The following CBFA2T3 variants were observed in gnomAD, a reference collection of about 807,000 sequenced individuals.
CBFA2T3 encodes CBFA2/RUNX1 partner transcriptional co-repressor 3, also known as transcriptional corepressor CBFA2T3.
CBFA2T3 carries 31 observed loss-of-function variants against 58.6 expected under a neutral mutation model. The ratio of observed to expected loss-of-function variants is 0.53; its 90% CI spans 0.40 to 0.71. The LOEUF (loss-of-function observed/expected upper bound fraction) is 0.71, where lower values mean the gene tolerates loss of function less well. CBFA2T3 is among the 30% of genes least tolerant of loss of function. The pLI is 0.00. For missense variants in CBFA2T3, 1,076 were observed against 963.1 expected (o/e 1.12, Z -1.55); for synonymous variants, 531 against 421.9 (o/e 1.26, Z -3.17).
At chr16:88,947,763 A>C (rs929184587) in intron 1 of CBFA2T3, among the ~76,000 whole-genome samples, 1 of 152,156 alleles carries the variant, frequency 6.6e-6, no homozygotes, top group Non-Finnish European at 1.5e-5. Context: ...ATAATAAAAA[A>C]GTTAGCCGGG....
chr16:88,947,424 A>G (rs1357243708), intron 1 of CBFA2T3, among the ~76,000 whole-genome samples: 1 of 152,216 alleles, frequency 6.6e-6, no homozygotes, highest in Non-Finnish European at 1.5e-5. Flanking sequence ...GCCGATTTTT[A>G]TCCTAATATG....
intron 1 of CBFA2T3, among the ~76,000 whole-genome samples, chr16:88,964,542 G>T (rs377403606): frequency 3.3e-5 from 5 of 152,280 alleles, no homozygotes; most frequent in African/African-American, 1.2e-4. Context: ...CTTCTTCATG[G>T]GGTCTTTAAT....
chr16:88,949,423 A>T (rs1971988547), intron 1 of CBFA2T3, among the ~76,000 whole-genome samples: 1 of 151,906 alleles, frequency 6.6e-6, no homozygotes, highest in African/African-American at 2.4e-5. Flanking sequence ...GCCAGGTGTG[A>T]TGGTGTGTGC....
chr16:88,892,705 G>A lies in CBFA2T3; in HGVS notation c.380-220C>T, dbSNP rs574225515. The stretch of plus-strand genomic sequence containing the variant: ...TAGCATGCTGACCATCTGTCCTTCC[G>A]GCCCTGCTCTGAGAGGTCACACACA... On this transcript the variant is annotated intron_variant, in intron 3 of 11. Transcript: ENST00000268679. 7.2e-5 allele frequency among the ~76,000 whole-genome samples: 11 copies of A among 152,312 alleles called. No homozygotes were observed. The Middle Eastern group carries it at 0.01, about 141-fold the overall frequency.
intron 1 of CBFA2T3, among the ~76,000 whole-genome samples, chr16:88,963,345 T>C (rs1172406111): frequency 1.5e-5 from 2 of 134,896 alleles, no homozygotes; most frequent in South Asian, 2.4e-4. Flanking sequence ...AGGCTTTTTT[T>C]TTTTTTTAAG....
At chr16:88,963,698 A>G (rs1972424947) in intron 1 of CBFA2T3, among the ~76,000 whole-genome samples, 1 of 152,248 alleles carries the variant, frequency 6.6e-6, no homozygotes, top group Non-Finnish European at 1.5e-5. Flanking sequence ...TGCAGTGCGC[A>G]TCAGGAATAG....
chr16:88,883,726 C>CG (rs1969235038), intron 7 of CBFA2T3: 1 of 150,868 alleles, frequency 6.6e-6, no homozygotes, highest in South Asian at 2.1e-4. Context: ...GCTGCGCCCA[C>CG]GGGAGACGTG....
At position 88,951,827 on chromosome 16, in the gene CBFA2T3, G is replaced by A. The variant is rs536735030; in HGVS notation, c.151+24830C>T. 2.0e-3 allele frequency among the ~76,000 whole-genome samples: 312 copies of A among 152,352 alleles called. 2 individuals carry two copies. Among genetic ancestry groups the A allele is most frequent in the Non-Finnish European group, 3.6e-3 (248 of 68,020 alleles). ...CCCAGAGTGGCCTGGACAGCCGCTG[G>A]GAAGAGAAGGTGGGCAGAGCGGCGG... On this transcript the variant is annotated intron_variant, in intron 1 of 11. Coordinates refer to ENST00000268679, the MANE Select transcript of CBFA2T3 (RefSeq NM_005187.6).
intron 1 of CBFA2T3, among the ~76,000 whole-genome samples, chr16:88,919,953 G>A (rs1970858269): frequency 6.6e-6 from 1 of 152,244 alleles, no homozygotes; most frequent in African/African-American, 2.4e-5. Context: ...GAGAATTAAA[G>A]CGATTTACAA....
At chr16:88,924,021 C>T (rs957178307) in intron 1 of CBFA2T3, among the ~76,000 whole-genome samples, 10 of 152,270 alleles carry the variant, frequency 6.6e-5, no homozygotes, top group Middle Eastern at 3.4e-3. Context: ...ATGGTTACAG[C>T]AAAGACCGCG....
chr16:88,888,700 G>A (rs1302376962), intron 5 of CBFA2T3, among the ~76,000 whole-genome samples: 1 of 150,246 alleles, frequency 6.7e-6, no homozygotes, highest in East Asian at 2.0e-4. Context: ...AAGCAGGACT[G>A]GCCGCAAGAT....
At chr16:88,897,436 C>A (rs1002922889) in intron 3 of CBFA2T3, among the ~76,000 whole-genome samples, 5 of 152,342 alleles carry the variant, frequency 3.3e-5, no homozygotes, top group Admixed American at 3.3e-4. Flanking sequence ...CAGTGGTTGA[C>A]AAAAACTATA....
rs565269624 is a variant in CBFA2T3, at chr16:88,960,100, C to G, written c.151+16557G>C. Among the ~76,000 whole-genome samples the G allele has an allele frequency of 2.0e-4, 31 of 152,186 alleles. 1 individual carries two copies. In the South Asian group the frequency reaches 5.6e-3, roughly 28 times the overall value. ...CAAGGAAAGATGAGTCTGTTTCCCT[C>G]AGATGATTTTCAGTAGAAAACAGGC... On this transcript the variant is annotated intron_variant, in intron 1 of 11. Transcript: ENST00000268679.
At chr16:88,900,643 C>T (rs1241930661) in intron 2 of CBFA2T3, among the ~76,000 whole-genome samples, 1 of 152,166 alleles carries the variant, frequency 6.6e-6, no homozygotes, top group Non-Finnish European at 1.5e-5. Context: ...TTTCTGGCCG[C>T]TGCATGTGGA....
chr16:88,902,626 C>T (rs1471737080), intron 1 of CBFA2T3: 1 of 151,780 alleles, frequency 6.6e-6, no homozygotes, highest in Non-Finnish European at 1.5e-5. Context: ...ACCAGGAGGC[C>T]AAGCCAGCAC....
chr16:88,892,555 T>C, intron 3 of CBFA2T3, 70 bp from the exon 4 acceptor site: 7 of 1,556,034 alleles, frequency 4.5e-6, no homozygotes, highest in Non-Finnish European at 6.1e-6. Context: ...GCGGCGACAG[T>C]GAGGGAAGCA....
chr16:88,892,264 T>G lies in CBFA2T3; in HGVS notation c.601A>C (p.Thr201Pro), dbSNP rs1348208759. ...CTCACCACCAGGCCCAGCACCAGTG[T>G]GCGCACGCGCTCCCCAATCTCTGGG... ...ISPEIGERVR[T>P]LVLGLVNSTL... Residue 201 changes from threonine (T) to proline (P), a missense_variant, in exon 4 of 12, where the codon ACA becomes CCA. Thr to Pro is a conservative substitution (Grantham distance 38). Transcript: ENST00000268679. 3.7e-6 allele frequency: 6 copies of G among 1,610,608 alleles called. No individual in the cohort carries two copies. The highest frequency in any genetic ancestry group is 5.1e-6 in the Non-Finnish European group (6 of 1,179,698).
intron 3 of CBFA2T3, among the ~76,000 whole-genome samples, chr16:88,894,897 G>A (rs982078193): frequency 1.3e-5 from 2 of 151,086 alleles, no homozygotes; most frequent in African/African-American, 2.5e-5. Flanking sequence ...GGCTGGTGCA[G>A]CGGCTCCCCC....
At chr16:88,966,411 C>T (rs1018309264) in intron 1 of CBFA2T3, among the ~76,000 whole-genome samples, 4 of 151,748 alleles carry the variant, frequency 2.6e-5, no homozygotes, top group East Asian at 1.9e-4. Context: ...ACAGACCTCC[C>T]GGCCCCTCTC....
Sources: gnomAD v4.1 joint callset for allele counts (sites outside exome capture counted in the v4.1 genomes callset) on GRCh38, gnomAD v4.1.1 for gene constraint, MANE v1.5 for transcripts, NCBI Gene and HGNC (gene_info 2026-07-23, HGNC 2026-07-21) for gene names.